OSBPL3: variants seen among roughly 807,000 people sequenced by gnomAD.
OSBPL3 encodes oxysterol binding protein like 3, also known as oxysterol-binding protein-related protein 3.
In OSBPL3, 65 loss-of-function variants were observed where a neutral mutation model predicts 120.1. The ratio of observed to expected loss-of-function variants is 0.54; its 90% CI spans 0.44 to 0.67. The LOEUF is 0.67. Ranked by LOEUF, OSBPL3 falls within the 30% of genes least tolerant of loss-of-function variation. The pLI is 0.00. For synonymous variants in OSBPL3, 416 were observed against 402.6 expected (o/e 1.03, Z -0.40); for missense variants, 1,004 against 1,082.1 (o/e 0.93, Z 1.01).
At chr7:24,880,432 C>G (rs1470064323) in intron 2 of OSBPL3, among the ~76,000 whole-genome samples, 1 of 152,084 alleles carries the variant, frequency 6.6e-6, no homozygotes, top group African/African-American at 2.4e-5. Flanking sequence ...TACTCTCTCC[C>G]CCAGCGGAAC....
chr7:24,980,627 C>G (rs1584792026), upstream of OSBPL3, among the ~76,000 whole-genome samples: 5 of 152,020 alleles, frequency 3.3e-5, no homozygotes, highest in East Asian at 9.7e-4. Flanking sequence ...TAGGAGAACT[C>G]GACCTCCCGA....
In OSBPL3 at chr7:24,879,038, C is replaced by A. The variant is rs985728988; in HGVS notation, c.97-6969G>T. On this transcript the variant is annotated intron_variant, in intron 2 of 22. Transcript: ENST00000313367. The surrounding 1 kb of genome is among the most constrained non-coding windows in gnomAD (Gnocchi z 5.6). ...ACAAGGCCCTGGATTCCAGCTTTGC[C>A]TAAAGGATGGGTTGTCTTACTATCT... 3.3e-5 allele frequency among the ~76,000 whole-genome samples: 5 copies of A among 152,088 alleles called. No individual in the cohort carries two copies. The highest frequency in any genetic ancestry group is 1.2e-4 in the African/African-American group (5 of 41,404).
Position 24,797,305 on chromosome 7 carries a change from T to TA in OSBPL3, c.*2877dup, listed in dbSNP as rs1791818860. 1 of 152,122 alleles carries TA rather than the reference T, an allele frequency of 6.6e-6. No homozygotes were observed. Among genetic ancestry groups the TA allele is most frequent in the Non-Finnish European group, 1.5e-5 (1 of 68,012 alleles). The allele number at this position is 152,122 out of a possible 1,614,324, so 9.4% of individuals were successfully genotyped here. A position where few individuals can be genotyped will look rare whatever the true frequency, so the allele number is the denominator to read the frequency against. On this transcript the variant is annotated 3_prime_UTR_variant, in exon 23 of 23. Coordinates refer to ENST00000313367, the MANE Select transcript of OSBPL3 (RefSeq NM_015550.4). The surrounding 1 kb of genome is among the most constrained non-coding windows in gnomAD (Gnocchi z 4.8). Reference sequence around the variant, plus strand: ...GCAGCAGTGTAAATGACGTAAACATTAAAAAATATATTAGTTTGTATATTT... The same window carrying TA: ...GCAGCAGTGTAAATGACGTAAACATTAAAAAAATATATTAGTTTGTATATTT...
At chr7:24,857,189 A>T (rs1799940085) in intron 10 of OSBPL3, among the ~76,000 whole-genome samples, 1 of 152,234 alleles carries the variant, frequency 6.6e-6, no homozygotes, top group Non-Finnish European at 1.5e-5. Context: ...GAAAGAAAAG[A>T]ATAGGTAAAT....
chr7:24,801,799 C>T (rs1792394187), intron 22 of OSBPL3, among the ~76,000 whole-genome samples: 1 of 150,906 alleles, frequency 6.6e-6, no homozygotes, highest in Admixed American at 6.6e-5. Context: ...ATCATTTGCT[C>T]TTTATAGGAA....
chr7:24,944,055 T>A (rs1227105172), intron 1 of OSBPL3, among the ~76,000 whole-genome samples: 1 of 141,914 alleles, frequency 7.0e-6, no homozygotes, highest in Non-Finnish European at 1.5e-5. Context: ...AGGAAGAAAT[T>A]TAAAATTTTC....
At position 24,978,653 on chromosome 7, in the gene OSBPL3, T is replaced by A. The variant is rs570169380; in HGVS notation, c.-150+1233A>T. On this transcript the variant is annotated intron_variant, in intron 1 of 22. Transcript: ENST00000313367. Reference sequence around the variant, plus strand: ...TGATACTTGCGGGGTACAGTGCAGATGATGAGAAGCCAGGCCTTCGCTTTC... The same window carrying A: ...TGATACTTGCGGGGTACAGTGCAGAAGATGAGAAGCCAGGCCTTCGCTTTC... 4.6e-5 allele frequency among the ~76,000 whole-genome samples: 7 copies of A among 152,340 alleles called. No individual in the cohort carries two copies. The South Asian group carries it at 8.3e-4, about 18-fold the overall frequency.
At chr7:24,825,589 C>T (rs137883506) in intron 16 of OSBPL3, among the ~76,000 whole-genome samples, 203 of 152,306 alleles carry the variant, frequency 1.3e-3, no homozygotes, top group African/African-American at 4.5e-3. Context: ...TTTATTTGAA[C>T]GGCTTGAATT....
In OSBPL3 at chr7:24,940,395, G is replaced by C. The variant is rs1812940043; in HGVS notation, c.-150+39491C>G. Among the ~76,000 whole-genome samples, 1 of 152,140 alleles carries C rather than the reference G, an allele frequency of 6.6e-6. No homozygotes were observed. Among genetic ancestry groups the C allele is most frequent in the African/African-American group, 2.4e-5 (1 of 41,416 alleles). On this transcript the variant is annotated intron_variant, in intron 1 of 22. Coordinates refer to ENST00000313367, the MANE Select transcript of OSBPL3 (RefSeq NM_015550.4). The surrounding 1 kb of genome is among the most constrained non-coding windows in gnomAD (Gnocchi z 4.4). The stretch of plus-strand genomic sequence containing the variant: ...TGGTACCAATGACAGATCATCAAAA[G>C]GGTTGACTATATAGCCCAGGTACAC...
intron 1 of OSBPL3, among the ~76,000 whole-genome samples, chr7:24,905,226 T>C (rs1435390713): frequency 6.6e-6 from 1 of 151,820 alleles, no homozygotes; most frequent in Non-Finnish European, 1.5e-5. Context: ...TCCATCTTTT[T>C]TCTTCAAGGA....
chr7:24,850,560 T>C (rs1018970392), intron 11 of OSBPL3, among the ~76,000 whole-genome samples: 4 of 149,772 alleles, frequency 2.7e-5, no homozygotes, highest in African/African-American at 1.0e-4. Flanking sequence ...GATGCTGGCT[T>C]TGTTTTTCAG....
rs1451968093 is a variant in OSBPL3 at position 24,968,603 on chromosome 7, G to A, written c.-150+11283C>T. Among the ~76,000 whole-genome samples, 2 of 152,130 alleles carry A rather than the reference G, an allele frequency of 1.3e-5. No homozygotes were observed. The highest frequency in any genetic ancestry group is 4.8e-5 in the African/African-American group (2 of 41,424). On this transcript the variant is annotated intron_variant, in intron 1 of 22. Coordinates refer to ENST00000313367, the MANE Select transcript of OSBPL3 (RefSeq NM_015550.4). This position sits in a 1 kb window ranked among gnomAD's most constrained non-coding sequence, Gnocchi z 4.6. ...GTACAGACAGGGTTTCACCATGTTG[G>A]CCAGGCTAGTCTTGAACTCCTGACC...
chr7:24,828,606 G>GAAAAAAA lies in OSBPL3; in HGVS notation c.1884+2155_1884+2161dup, dbSNP rs1190652256. Among the ~76,000 whole-genome samples the GAAAAAAA allele has an allele frequency of 1.8e-3, 57 of 32,550 alleles. 2 individuals are homozygous for GAAAAAAA. Among genetic ancestry groups the GAAAAAAA allele is most frequent in the Non-Finnish European group, 2.5e-3 (48 of 19,040 alleles). The allele number at this position is 32,550 out of a possible 152,430, so 21.4% of individuals were successfully genotyped here. A position where few individuals can be genotyped will look rare whatever the true frequency, so the allele number is the denominator to read the frequency against. ...TGGGCGACAAAGTGAGACTCTGTCT[G>GAAAAAAA]AAAAAAAAAAAAAAAGAAAAAAAAA... On this transcript the variant is annotated intron_variant, in intron 16 of 22. Coordinates refer to ENST00000313367, the MANE Select transcript of OSBPL3 (RefSeq NM_015550.4).
At chr7:24,903,557 TG>T (rs1305085416) in intron 1 of OSBPL3, among the ~76,000 whole-genome samples, 2 of 152,232 alleles carry the variant, frequency 1.3e-5, no homozygotes, top group Non-Finnish European at 2.9e-5. Context: ...ACTCAGATCT[TG>T]GTTTTCTACC....
Position 24,968,741 on chromosome 7 carries a change from T to C in OSBPL3, c.-150+11145A>G, listed in dbSNP as rs1483266494. On this transcript the variant is annotated intron_variant, in intron 1 of 22. Coordinates refer to ENST00000313367, the MANE Select transcript of OSBPL3 (RefSeq NM_015550.4). The surrounding 1 kb of genome is among the most constrained non-coding windows in gnomAD (Gnocchi z 4.6). ...ATGTGTGCATATATGCATGAATATA[T>C]GTCCATGTGTATATGCATACTTTCA... Among the ~76,000 whole-genome samples the C allele has an allele frequency of 6.6e-6, 1 of 152,238 alleles. No individual in the cohort carries two copies. The highest frequency in any genetic ancestry group is 2.4e-5 in the African/African-American group (1 of 41,464).
Position 24,827,080 on chromosome 7 carries a change from T to C in OSBPL3, c.1884+3688A>G, listed in dbSNP as rs995018669. Among the ~76,000 whole-genome samples the C allele has an allele frequency of 1.3e-5, 2 of 152,200 alleles. No homozygotes were observed. Among genetic ancestry groups the C allele is most frequent in the African/African-American group, 4.8e-5 (2 of 41,444 alleles). On this transcript the variant is annotated intron_variant, in intron 16 of 22. Coordinates refer to ENST00000313367, the MANE Select transcript of OSBPL3 (RefSeq NM_015550.4). The surrounding 1 kb of genome is among the most constrained non-coding windows in gnomAD (Gnocchi z 5.1). ...ATACAATTTCCATCATTATCCTCCT[T>C]AGAAAAAAATTCCACCCAAAAATAT...
chr7:24,929,647 T>C (rs540098747), intron 1 of OSBPL3, among the ~76,000 whole-genome samples: 1 of 152,272 alleles, frequency 6.6e-6, no homozygotes, highest in Admixed American at 6.5e-5. Flanking sequence ...GGAGTTCCAT[T>C]CAATGGAAGG....
intron 1 of OSBPL3, among the ~76,000 whole-genome samples, chr7:24,974,269 C>T (rs957365154): frequency 3.3e-5 from 5 of 152,178 alleles, no homozygotes; most frequent in East Asian, 1.9e-4. Context: ...TCCTCACCCC[C>T]AGATTATTTC....
At position 24,972,186 on chromosome 7, in the gene OSBPL3, CA is replaced by C. The variant is rs1817099317; in HGVS notation, c.-150+7699del. 6.6e-6 allele frequency among the ~76,000 whole-genome samples: 1 copy of C among 152,210 alleles called. No individual in the cohort carries two copies. On this transcript the variant is annotated intron_variant, in intron 1 of 22. Coordinates refer to ENST00000313367, the MANE Select transcript of OSBPL3 (RefSeq NM_015550.4). The surrounding 1 kb of genome is among the most constrained non-coding windows in gnomAD (Gnocchi z 4.3). ...GATTCAACTCCCATTAGCAAATAAA[CA>C]AACCTGTGTGTCGCATCAGAGAGAG...
Sources: allele counts gnomAD v4.1 joint callset (sites outside exome capture counted in the v4.1 genomes callset), GRCh38; gene constraint gnomAD v4.1.1; non-coding constraint Gnocchi (gnomAD v3.1); transcripts MANE v1.5; gene names NCBI Gene and HGNC (gene_info 2026-07-23, HGNC 2026-07-21).